Variants in RNF152 observed in about 807,000 individuals in gnomAD.
The protein encoded by RNF152 is E3 ubiquitin-protein ligase RNF152.
RNF152 carries 11 observed loss-of-function variants against 12.7 expected under a neutral mutation model. That is an observed-to-expected ratio of 0.86 (90% confidence interval 0.54 to 1.43). The LOEUF (loss-of-function observed/expected upper bound fraction) is 1.43, where lower values mean the gene tolerates loss of function less well. Among genes scored for constraint, RNF152 ranks in the 40% most tolerant of loss-of-function variants. The pLI, the probability that RNF152 is intolerant of heterozygous loss-of-function variation, is 0.00. For missense variants in RNF152, 255 were observed against 274.8 expected (o/e 0.93, Z 0.51); for synonymous variants, 113 against 120.3 (o/e 0.94, Z 0.40).
chr18:61,839,178 A>T (rs973515902), intron 1 of RNF152, among the ~76,000 whole-genome samples: 5 of 152,118 alleles, frequency 3.3e-5, no homozygotes, highest in African/African-American at 9.7e-5. Context: ...CAGTACAGTC[A>T]TTAAAATCGG....
rs1179835678 is a variant in RNF152 at position 61,811,103 on chromosome 18, C to T, written c.*4749G>A. On this transcript the variant is annotated 3_prime_UTR_variant, in exon 2 of 2. Transcript: ENST00000312828. ...GCAAGCTAAGAAGGAAAGTCTTGCA[C>T]ATTGATGAGTTCTAGAAAAAAAAAA... The T allele has an allele frequency of 2.7e-5, 4 of 150,514 alleles. No individual in the cohort carries two copies. The highest frequency in any genetic ancestry group is 9.8e-5 in the African/African-American group (4 of 40,898). The allele number at this position is 150,514 out of a possible 1,614,324, so 9.3% of individuals were successfully genotyped here.
At chr18:61,877,752 C>A (rs989692668) in intron 1 of RNF152, among the ~76,000 whole-genome samples, 5 of 152,186 alleles carry the variant, frequency 3.3e-5, no homozygotes, top group Admixed American at 6.5e-5. Context: ...CAAACAAAAT[C>A]TGTCCCTTTT....
intron 1 of RNF152, among the ~76,000 whole-genome samples, chr18:61,847,061 T>C (rs773816160): frequency 6.6e-6 from 1 of 151,952 alleles, no homozygotes; most frequent in African/African-American, 2.4e-5. Context: ...GTAGTGCACA[T>C]AGTAGCTGCT....
chr18:61,872,409 G>A (rs559495005), intron 1 of RNF152, among the ~76,000 whole-genome samples: 3 of 152,294 alleles, frequency 2.0e-5, no homozygotes, highest in Admixed American at 2.0e-4. Context: ...CAACAGGCTA[G>A]AGACTAACAA....
chr18:61,860,920 GAA>G (rs1275943078), intron 1 of RNF152, among the ~76,000 whole-genome samples: 1 of 151,792 alleles, frequency 6.6e-6, no homozygotes, highest in South Asian at 2.1e-4. Flanking sequence ...AAAGGTAAAA[GAA>G]AAAAATTAAT....
intron 1 of RNF152, chr18:61,888,772 C>G: frequency 6.6e-6 from 1 of 152,212 alleles, no homozygotes; most frequent in Non-Finnish European, 1.5e-5. Context: ...CTGGATCACA[C>G]AGTGTAACTC....
chr18:61,820,468 C>G (rs1341483623), intron 1 of RNF152, among the ~76,000 whole-genome samples: 2 of 151,238 alleles, frequency 1.3e-5, no homozygotes, highest in African/African-American at 2.4e-5. Flanking sequence ...TATCTGTCTC[C>G]AGGTGAAAGT....
chr18:61,836,638 G>T (rs531664948), intron 1 of RNF152, among the ~76,000 whole-genome samples: 3 of 152,200 alleles, frequency 2.0e-5, no homozygotes, highest in East Asian at 1.9e-4. Context: ...AGAAATAAAT[G>T]CTTGTTCAAC....
intron 1 of RNF152, among the ~76,000 whole-genome samples, chr18:61,887,456 C>T (rs1464759207): frequency 1.3e-5 from 2 of 152,132 alleles, no homozygotes; most frequent in East Asian, 3.9e-4. Context: ...CGGTGGCTCA[C>T]GCCTGTAATT....
upstream of RNF152, among the ~76,000 whole-genome samples, chr18:61,893,911 C>T (rs1259826859): frequency 6.6e-6 from 1 of 151,900 alleles, no homozygotes; most frequent in Non-Finnish European, 1.5e-5. Context: ...CACGCAACTC[C>T]CGGGACCACC....
At chr18:61,871,464 AAACCAGAACAC>A (rs1156660583) in intron 1 of RNF152, among the ~76,000 whole-genome samples, 5 of 152,214 alleles carry the variant, frequency 3.3e-5, no homozygotes, top group Admixed American at 2.6e-4. Context: ...GTCTCATCTT[AAACCAGAACAC>A]AGAGGGTCAG....
chr18:61,891,509 T>C (rs1352583621), intron 1 of RNF152, among the ~76,000 whole-genome samples: 1 of 152,228 alleles, frequency 6.6e-6, no homozygotes, highest in East Asian at 1.9e-4. Flanking sequence ...TTTTTCTTCT[T>C]GCAGCAACAC....
chr18:61,881,318 A>G (rs1367221512), intron 1 of RNF152, among the ~76,000 whole-genome samples: 1 of 152,184 alleles, frequency 6.6e-6, no homozygotes, highest in African/African-American at 2.4e-5. Context: ...GTCACCTGGC[A>G]CTAAAAAGCC....
At chr18:61,889,497 C>G (rs1170791435) in intron 1 of RNF152, among the ~76,000 whole-genome samples, 1 of 152,142 alleles carries the variant, frequency 6.6e-6, no homozygotes, top group Non-Finnish European at 1.5e-5. Flanking sequence ...CCTTGCAATG[C>G]CTATTCCATA....
chr18:61,848,607 A>G (rs1022475842), intron 1 of RNF152, among the ~76,000 whole-genome samples: 1 of 152,192 alleles, frequency 6.6e-6, no homozygotes, highest in African/African-American at 2.4e-5. Flanking sequence ...AACTGTACGT[A>G]GGTCTATGCA....
rs1398491563 is a variant in RNF152 at position 61,892,831 on chromosome 18, G to GTGA, written c.-175_-173dup. 1 of 152,158 alleles carries GTGA rather than the reference G, an allele frequency of 6.6e-6. No individual in the cohort carries two copies. The highest frequency in any genetic ancestry group is 1.5e-5 in the Non-Finnish European group (1 of 68,058). 9.4% of individuals were successfully genotyped at this position (152,158 alleles called of 1,614,324 possible). A position where few individuals can be genotyped will look rare whatever the true frequency, so the allele number is the denominator to read the frequency against. ...ACCGAGTCTCTTTCACCCCTTCTGC[G>GTGA]TGATGACATCAAGTGGAAATGGTAC... On this transcript the variant is annotated 5_prime_UTR_variant, in exon 1 of 2. Coordinates refer to ENST00000312828, the MANE Select transcript of RNF152 (RefSeq NM_173557.3).
rs1021741121 is a variant in RNF152, at chr18:61,853,193, T to C, written c.-135-36595A>G. Among the ~76,000 whole-genome samples the C allele has an allele frequency of 2.0e-5, 3 of 152,252 alleles. No individual in the cohort carries two copies. The South Asian group carries it at 6.2e-4, about 32-fold the overall frequency. On this transcript the variant is annotated intron_variant, in intron 1 of 1. Coordinates refer to ENST00000312828, the MANE Select transcript of RNF152 (RefSeq NM_173557.3). The stretch of plus-strand genomic sequence containing the variant: ...CAACATGAATTGATTATCTTATAGG[T>C]CTGGAGCCCAGATGTCTGAATTGGT...
chr18:61,841,991 A>C (rs1436237699), intron 1 of RNF152, among the ~76,000 whole-genome samples: 1 of 152,256 alleles, frequency 6.6e-6, no homozygotes, highest in Non-Finnish European at 1.5e-5. Context: ...CTTTATTTAC[A>C]AAAACATGAG....
intron 1 of RNF152, among the ~76,000 whole-genome samples, chr18:61,820,328 CACCAAAAAAAAAAAAAAA>C (rs1204146037): frequency 3.6e-5 from 1 of 28,100 alleles, no homozygotes; most frequent in African/African-American, 1.9e-4. Context: ...GACTCCGTCT[CACCAAAAAAAAAAAAAAA>C]AAAAAAAAAA....
Sources: gnomAD v4.1 joint callset for allele counts (sites outside exome capture counted in the v4.1 genomes callset) on GRCh38, gnomAD v4.1.1 for gene constraint, MANE v1.5 for transcripts, NCBI Gene and HGNC (gene_info 2026-07-23, HGNC 2026-07-21) for gene names.